SEC31A: variants seen among roughly 807,000 people sequenced by gnomAD.
SEC31A encodes the protein SEC31 homolog A, COPII component, also known as protein transport protein Sec31A.
Under a neutral mutation model 151.0 loss-of-function variants are expected in SEC31A, and 70 were observed. The ratio of observed to expected loss-of-function variants is 0.46; its 90% CI spans 0.38 to 0.57. The LOEUF is 0.57. Ranked by LOEUF, SEC31A falls within the 20% of genes least tolerant of loss-of-function variation. The pLI is 0.00. For synonymous variants in SEC31A, 475 were observed against 505.9 expected (o/e 0.94, Z 0.82); for missense variants, 1,330 against 1,471.2 (o/e 0.90, Z 1.57).
chr4:82,857,702 G>T lies in SEC31A; in HGVS notation c.1689C>A (p.Ile563=). ...ACAAGTACTTACCCCCACTGACAGA[G>T]ATATTAAATGTTCCTCCAGATGAGG... ...FLPSSGGTFN[I]SVSGDIDGLI... Residue 563 remains isoleucine, a synonymous_variant, in exon 15 of 27, where the codon ATC becomes ATA. Transcript: ENST00000395310. 10 of 1,588,632 alleles carry T rather than the reference G, an allele frequency of 6.3e-6. No individual in the cohort carries two copies. Among genetic ancestry groups the T allele is most frequent in the Non-Finnish European group, 8.6e-6 (10 of 1,157,632 alleles).
chr4:82,871,618 C>G (rs1423797648), intron 7 of SEC31A: 6 of 553,120 alleles, frequency 1.1e-5, no homozygotes, highest in Non-Finnish European at 1.6e-5. Context: ...TCTACTAAAA[C>G]TATGAAAATT....
chr4:82,831,536 T>C (rs1328037637), intron 22 of SEC31A, among the ~76,000 whole-genome samples: 1 of 152,216 alleles, frequency 6.6e-6, no homozygotes, highest in Non-Finnish European at 1.5e-5. Context: ...AACACCCTCT[T>C]GAAGTAGCAG....
intron 25 of SEC31A, 150 bp from the exon 26 acceptor site, chr4:82,821,258 A>G (rs1723246175): frequency 3.1e-6 from 2 of 654,340 alleles, no homozygotes; most frequent in African/African-American, 3.6e-5. Flanking sequence ...AGAAACTTGA[A>G]CAGATTATGG....
intron 24 of SEC31A, 63 bp downstream of exon 24, chr4:82,827,306 A>G: frequency 6.6e-7 from 1 of 1,524,198 alleles, no homozygotes; most frequent in Non-Finnish European, 8.9e-7. Context: ...AAGTTAGCAC[A>G]TTAAAGAAAA....
Position 82,866,885 on chromosome 4 carries a change from T to G in SEC31A, c.1120A>C (p.Thr374Pro). 1 of 1,614,188 alleles carries G rather than the reference T, an allele frequency of 6.2e-7. No individual in the cohort carries two copies. The highest frequency in any genetic ancestry group is 8.5e-7 in the Non-Finnish European group (1 of 1,180,000). The change falls in exon 10 of 27, where the codon ACT (threonine) becomes CCT (proline). Residue 374 changes from threonine to proline, a missense_variant. Transcript: ENST00000395310. ...PLPPLQIPQQ[T>P]AQHSIVLPLK... The stretch of plus-strand genomic sequence containing the variant: ...GGCAGCACTATACTATGCTGAGCAG[T>G]CTGCTGTGGAATTTGTAACGGAGGA...
intron 3 of SEC31A, among the ~76,000 whole-genome samples, chr4:82,879,505 A>G (rs1470435446): frequency 6.6e-6 from 1 of 152,188 alleles, no homozygotes; most frequent in Non-Finnish European, 1.5e-5. Flanking sequence ...TATAACAAGT[A>G]CCCCTACTAT....
upstream of SEC31A, among the ~76,000 whole-genome samples, chr4:82,892,364 G>C (rs375765587): frequency 2.6e-5 from 4 of 152,218 alleles, no homozygotes; most frequent in African/African-American, 9.6e-5. Context: ...ACTGAAAGAC[G>C]TTGAAGCAAC....
intron 20 of SEC31A, among the ~76,000 whole-genome samples, chr4:82,845,963 T>C (rs1330267842): frequency 3.3e-5 from 5 of 152,072 alleles, no homozygotes; most frequent in Admixed American, 6.6e-5. Flanking sequence ...TACTACACCA[T>C]GTTGCTTGCC....
intron 25 of SEC31A, 102 bp downstream of exon 25, chr4:82,824,453 C>A: frequency 8.0e-7 from 1 of 1,256,178 alleles, no homozygotes; most frequent in Non-Finnish European, 1.1e-6. Context: ...GATCCACCTA[C>A]CTCGGCCTCC....
At chr4:82,871,251 T>C (rs1210022440) in intron 7 of SEC31A, 5 of 1,306,112 alleles carry the variant, frequency 3.8e-6, no homozygotes, top group Non-Finnish European at 5.0e-6. Flanking sequence ...AAAAAAGTTA[T>C]CTAACTATAT....
chr4:82,820,709 T>C (rs1036189251), intron 26 of SEC31A, among the ~76,000 whole-genome samples: 75 of 152,156 alleles, frequency 4.9e-4, no homozygotes, highest in Non-Finnish European at 1.6e-4. Context: ...ATCTGCATAC[T>C]CTTTGATTTC....
intron 10 of SEC31A, among the ~76,000 whole-genome samples, chr4:82,865,523 A>T (rs903857174): frequency 8.8e-5 from 13 of 148,108 alleles, no homozygotes; most frequent in East Asian, 2.0e-4. Flanking sequence ...ATGAATGGAT[A>T]AAAAAAAATG....
At position 82,870,343 on chromosome 4, in the gene SEC31A, G is replaced by A. The variant is rs746527808; in HGVS notation, c.864C>T (p.Ser288=). The A allele has an allele frequency of 2.5e-6, 4 of 1,613,396 alleles. No individual in the cohort carries two copies. The South Asian group carries it at 3.3e-5, about 13-fold the overall frequency. Residue 288 remains serine, a synonymous_variant, in exon 8 of 27, where the codon TCC becomes TCT. Coordinates refer to ENST00000395310, the MANE Select transcript of SEC31A (RefSeq NM_001077207.4). ...SCGKDAKILC[S]NPNTGEVLYE... ...CCCATACCTCTCCTGTGTTTGGATTGGAGCAGAGAATCTTAGCATCTTTTC... is the reference window on the plus strand; with the variant it reads ...CCCATACCTCTCCTGTGTTTGGATTAGAGCAGAGAATCTTAGCATCTTTTC...
chr4:82,861,313 A>G (rs370839692), intron 14 of SEC31A, among the ~76,000 whole-genome samples: 16 of 152,340 alleles, frequency 1.1e-4, no homozygotes, highest in African/African-American at 3.4e-4. Flanking sequence ...TTTACATGCA[A>G]TGCAATGCAG....
intron 3 of SEC31A, 87 bp from the exon 4 acceptor site, chr4:82,879,015 GT>G: frequency 3.0e-6 from 3 of 1,004,132 alleles, no homozygotes; most frequent in Non-Finnish European, 3.0e-6. Context: ...AATTTTTAAT[GT>G]TTTCATAAAC....
rs537113231 is a variant in SEC31A at position 82,862,561 on chromosome 4, G to A, written c.1521C>T (p.Ala507=). The A allele has an allele frequency of 4.3e-6, 7 of 1,613,368 alleles. 1 individual carries two copies. The South Asian group carries it at 7.7e-5, about 18-fold the overall frequency. ...CATTGGCTCCATCCACTTTGTTCAAGGCCAAAGCAATCTGAAATAAAAATA... is the reference window on the plus strand; with the variant it reads ...CATTGGCTCCATCCACTTTGTTCAAAGCCAAAGCAATCTGAAATAAAAATA... ...KEDLGKKIAL[A]LNKVDGANVA... is the part of the protein sequence containing the mutation. The change falls in exon 13 of 27, where the codon GCC becomes GCT. Residue 507 remains alanine (A), a synonymous_variant. Transcript: ENST00000395310.
chr4:82,867,144 C>T lies in SEC31A; in HGVS notation c.1044+11G>A, dbSNP rs1288854960. On this transcript the variant is annotated intron_variant, in intron 9 of 26. Transcript: ENST00000395310. ...GGCATTATAATAGAAAACTTTAACA[C>T]TTCCTATTACCTTGTCAACTTGTTT... is the stretch of plus-strand genomic sequence containing the variant. 10 of 1,606,630 alleles carry T rather than the reference C, an allele frequency of 6.2e-6. No homozygotes were observed. The African/African-American group carries it at 9.4e-5, about 15-fold the overall frequency.
intron 1 of SEC31A, among the ~76,000 whole-genome samples, chr4:82,884,838 G>C (rs1740302365): frequency 6.6e-6 from 1 of 152,074 alleles, no homozygotes; most frequent in Admixed American, 6.6e-5. Context: ...CCTCTTTATT[G>C]ATTTGTTTAG....
At chr4:82,875,463 T>C (rs556326750) in intron 5 of SEC31A, among the ~76,000 whole-genome samples, 50 of 152,344 alleles carry the variant, frequency 3.3e-4, no homozygotes, top group African/African-American at 1.2e-3. Context: ...AGGATTTTTG[T>C]TCATTTTGTT....
Sources: allele counts gnomAD v4.1 joint callset (sites outside exome capture counted in the v4.1 genomes callset), GRCh38; gene constraint gnomAD v4.1.1; transcripts MANE v1.5; gene names NCBI Gene and HGNC (gene_info 2026-07-23, HGNC 2026-07-21).